The following IGSF9B variants were observed in gnomAD, a reference collection of about 807,000 sequenced individuals.
The protein encoded by IGSF9B is protein turtle homolog B.
In IGSF9B, 48 loss-of-function variants were observed where a neutral mutation model predicts 143.7. The ratio of observed to expected loss-of-function variants is 0.33; its 90% CI spans 0.26 to 0.42. IGSF9B has a LOEUF of 0.42. IGSF9B is among the 20% of genes least tolerant of loss of function. The pLI is 1.00. For missense variants in IGSF9B, 1,706 were observed against 1,980.0 expected, an observed-to-expected ratio of 0.86 and a Z score of 2.63; for synonymous variants, 903 against 833.1, an observed-to-expected ratio of 1.08 and a Z score of -1.44.
Position 133,928,091 on chromosome 11 carries a change from G to A in IGSF9B, c.1632-1000C>T, listed in dbSNP as rs1383349452. Among the ~76,000 whole-genome samples, 18 of 151,240 alleles carry A rather than the reference G, an allele frequency of 1.2e-4. No homozygotes were observed. Among genetic ancestry groups the A allele is most frequent in the Admixed American group, 1.1e-3 (17 of 15,250 alleles). Reference sequence around the variant, plus strand: ...AGCAGTGCAGATGAGCAGCAGCGTGGAGCAGCAGCGTGAAGCAGCACCGCA... The same window carrying A: ...AGCAGTGCAGATGAGCAGCAGCGTGAAGCAGCAGCGTGAAGCAGCACCGCA... On this transcript the variant is annotated intron_variant, in intron 12 of 19. Transcript: ENST00000533871. The surrounding 1 kb of genome is among the most constrained non-coding windows in gnomAD (Gnocchi z 4.7).
At position 133,921,207 on chromosome 11, in the gene IGSF9B, C is replaced by CGGCCTCTGCCTT; in HGVS notation, c.2506_2517dup (p.Lys836_Ala839dup). 1 of 1,609,090 alleles carries CGGCCTCTGCCTT rather than the reference C, an allele frequency of 6.2e-7. No individual in the cohort carries two copies. The highest frequency in any genetic ancestry group is 8.5e-7 in the Non-Finnish European group (1 of 1,177,574). On this transcript the variant is annotated inframe_insertion, in exon 18 of 20. Coordinates refer to ENST00000533871, the MANE Select transcript of IGSF9B (RefSeq NM_001277285.4). ...TCGATGGGCGTGGTGGCCTCTGCCT[C>CGGCCTCTGCCTT]GGCCTCTGCCTTGGCCACGCTGTAC...
At position 133,904,409 on chromosome 11, in the gene IGSF9B, A is replaced by C. The variant is rs1185014636; in HGVS notation, c.*4660T>G. On this transcript the variant is annotated 3_prime_UTR_variant, in exon 20 of 20. Coordinates refer to ENST00000533871, the MANE Select transcript of IGSF9B (RefSeq NM_001277285.4). ...GAAATACAATATAAAGAAGATGTCC[A>C]TGTTTGGTTTGGGCACTTAGTGTTA... Among the ~76,000 whole-genome samples, 1 of 152,212 alleles carries C rather than the reference A, an allele frequency of 6.6e-6. No individual in the cohort carries two copies. Among genetic ancestry groups the C allele is most frequent in the Non-Finnish European group, 1.5e-5 (1 of 68,040 alleles).
At chr11:133,910,685 G>A (rs1187401901) in intron 19 of IGSF9B, among the ~76,000 whole-genome samples, 1 of 152,132 alleles carries the variant, frequency 6.6e-6, no homozygotes, top group Non-Finnish European at 1.5e-5. Flanking sequence ...CTCAGGGAAG[G>A]GACCTGGGCT....
rs1341899562 is a variant in IGSF9B at position 133,952,154 on chromosome 11, C to T, written c.64+4537G>A. On this transcript the variant is annotated intron_variant, in intron 1 of 19. Coordinates refer to ENST00000533871, the MANE Select transcript of IGSF9B (RefSeq NM_001277285.4). ...AGGCCCCATCTCCTGCTTATTCACG[C>T]AAGAGAGAACAGAAAAGCAGGAAGA... 9.5e-6 allele frequency: 4 copies of T among 419,306 alleles called. No homozygotes were observed. The East Asian group carries it at 2.2e-4, about 23-fold the overall frequency. 26.0% of individuals were successfully genotyped at this position (419,306 alleles called of 1,614,324 possible).
chr11:133,931,808 G>C lies in IGSF9B; in HGVS notation c.1111-13C>G, dbSNP rs1939735616. ...TCCAACCGAGGTTCTGCCAGACACAGACGATAGGGCAGGGAACGCTGGTCA... is the reference window on the plus strand; with the variant it reads ...TCCAACCGAGGTTCTGCCAGACACACACGATAGGGCAGGGAACGCTGGTCA... On this transcript the variant is annotated splice_polypyrimidine_tract_variant and intron_variant, in intron 8 of 19. Transcript: ENST00000533871. The surrounding 1 kb of genome is among the most constrained non-coding windows in gnomAD (Gnocchi z 7.7). 6.2e-7 allele frequency: 1 copy of C among 1,610,770 alleles called. No homozygotes were observed. Among genetic ancestry groups the C allele is most frequent in the Non-Finnish European group, 8.5e-7 (1 of 1,179,116 alleles).
Position 133,924,848 on chromosome 11 carries a change from G to A in IGSF9B, c.2091C>T (p.Pro697=), listed in dbSNP as rs775782749. 15 of 1,613,644 alleles carry A rather than the reference G, an allele frequency of 9.3e-6. No homozygotes were observed. The highest frequency in any genetic ancestry group is 1.3e-5 in the Non-Finnish European group (15 of 1,179,848). Residue 697 remains proline (P), a synonymous_variant, in exon 15 of 20, where the codon CCC becomes CCT. Transcript: ENST00000533871. ...LAVMQDLISE[P]SNIAGVSSTD... is the part of the protein sequence containing the mutation. ...TGCTGGAGACGCCGGCGATGTTGCTGGGCTCGCTGATCAGATCCTGCATGA... is the reference window on the plus strand; with the variant it reads ...TGCTGGAGACGCCGGCGATGTTGCTAGGCTCGCTGATCAGATCCTGCATGA...
intron 12 of IGSF9B, among the ~76,000 whole-genome samples, chr11:133,929,287 A>G (rs1565433317): frequency 6.6e-6 from 1 of 152,226 alleles, no homozygotes; most frequent in African/African-American, 2.4e-5. Context: ...TACAAAAAAA[A>G]TTAGTCTAAA....
Position 133,913,369 on chromosome 11 carries a change from C to T in IGSF9B, c.3984-1362G>A, listed in dbSNP as rs1314405923. Among the ~76,000 whole-genome samples, 2 of 152,130 alleles carry T rather than the reference C, an allele frequency of 1.3e-5. No homozygotes were observed. Among genetic ancestry groups the T allele is most frequent in the Non-Finnish European group, 2.9e-5 (2 of 68,028 alleles). On this transcript the variant is annotated intron_variant, in intron 18 of 19. Transcript: ENST00000533871. The surrounding 1 kb of genome is among the most constrained non-coding windows in gnomAD (Gnocchi z 4.6). ...AGGGATAGGAAGCCTGCAGTCTCTT[C>T]TCCCCAGCATCAAATATGTTGGCAG...
chr11:133,919,331 A>G (rs1157081093), intron 18 of IGSF9B, among the ~76,000 whole-genome samples: 2 of 152,096 alleles, frequency 1.3e-5, no homozygotes, highest in Admixed American at 6.5e-5. Context: ...CGGGGAAGAA[A>G]AGGAGGCTAG....
chr11:133,943,505 C>A (rs1173685548), intron 3 of IGSF9B, among the ~76,000 whole-genome samples: 2 of 152,236 alleles, frequency 1.3e-5, no homozygotes, highest in East Asian at 3.9e-4. Flanking sequence ...GGCCCCCAGC[C>A]TAGGCCAACT....
At chr11:133,918,618 C>A (rs993772410) in intron 18 of IGSF9B, among the ~76,000 whole-genome samples, 4 of 146,868 alleles carry the variant, frequency 2.7e-5, no homozygotes, top group Admixed American at 2.7e-4. Flanking sequence ...GGTGGGGCTG[C>A]GGGTGGGAGG....
intron 15 of IGSF9B, among the ~76,000 whole-genome samples, chr11:133,924,353 TAG>T (rs1042350147): frequency 2.6e-5 from 4 of 152,128 alleles, no homozygotes; most frequent in African/African-American, 9.7e-5. Context: ...CTTAAAAATC[TAG>T]AGAGAGGAAG....
intron 11 of IGSF9B, 75 bp from the exon 12 acceptor site, chr11:133,929,857 G>A: frequency 1.0e-6 from 1 of 966,474 alleles, no homozygotes; most frequent in Non-Finnish European, 1.6e-6. Flanking sequence ...TCTGGCTGTG[G>A]GGAACCTGAG....
Position 133,948,143 on chromosome 11 carries a change from T to C in IGSF9B, c.65-1885A>G, listed in dbSNP as rs1379657401. 6.6e-6 allele frequency among the ~76,000 whole-genome samples: 1 copy of C among 151,734 alleles called. No individual in the cohort carries two copies. The highest frequency in any genetic ancestry group is 1.5e-5 in the Non-Finnish European group (1 of 67,938). On this transcript the variant is annotated intron_variant, in intron 1 of 19. Transcript: ENST00000533871. This position sits in a 1 kb window ranked among gnomAD's most constrained non-coding sequence, Gnocchi z 4.7. ...AGGGGAGGGGTTCTGCCTGCTTCTC[T>C]GTATGCAAGGGCTCCGTCTCTGCAT... is the stretch of plus-strand genomic sequence containing the variant.
chr11:133,911,875 C>T lies in IGSF9B; in HGVS notation c.4105+11G>A. 6.6e-7 allele frequency: 1 copy of T among 1,521,754 alleles called. No homozygotes were observed. The highest frequency in any genetic ancestry group is 8.8e-7 in the Non-Finnish European group (1 of 1,141,548). 94.3% of individuals were successfully genotyped at this position (1,521,754 alleles called of 1,614,324 possible). On this transcript the variant is annotated intron_variant, in intron 19 of 19. Transcript: ENST00000533871. ...TGGGAGGAGCGGGGCGGGCCACTGC[C>T]CATCATTTACCGGATCGTTTCTTTG...
In IGSF9B at chr11:133,956,711, G is replaced by C; in HGVS notation, c.44C>G (p.Thr15Ser). The C allele has an allele frequency of 6.5e-7, 1 of 1,547,600 alleles. No individual in the cohort carries two copies. Among genetic ancestry groups the C allele is most frequent in the Non-Finnish European group, 8.7e-7 (1 of 1,148,720 alleles). Reference sequence around the variant, plus strand: ...CTCACCTTCAGCCGCAAGCCCTCGGGTGCCGATCACACTTGCTATGAAAGT... The same window carrying C: ...CTCACCTTCAGCCGCAAGCCCTCGGCTGCCGATCACACTTGCTATGAAAGT... ...VATFIASVIG[T>S]RGLAAEGAHG... Residue 15 changes from threonine (T) to serine (S), a missense_variant, in exon 1 of 20, where the codon ACC becomes AGC. Physicochemically the swap from Thr to Ser is moderately conservative, Grantham distance 58 (BLOSUM62 1). Transcript: ENST00000533871.
At chr11:133,936,592 G>A (rs576858625) in intron 5 of IGSF9B, among the ~76,000 whole-genome samples, 28 of 152,192 alleles carry the variant, frequency 1.8e-4, no homozygotes, top group Admixed American at 1.0e-3. Flanking sequence ...AGTAAGCAGA[G>A]GGTGAAAGTC....
Position 133,909,301 on chromosome 11 carries a change from CAA to C in IGSF9B, c.4106-26_4106-25del. On this transcript the variant is annotated intron_variant, in intron 19 of 19. Transcript: ENST00000533871. This position sits in a 1 kb window ranked among gnomAD's most constrained non-coding sequence, Gnocchi z 4.2. ...GTCTAGGAAGAAAGGAAGAGGGACG[CAA>C]AAGAGAAGCAAGCGGATGAAAAGGA... 6.6e-7 allele frequency: 1 copy of C among 1,518,536 alleles called. No individual in the cohort carries two copies. The highest frequency in any genetic ancestry group is 2.5e-5 in the East Asian group (1 of 40,782). The allele number at this position is 1,518,536 out of a possible 1,614,324, so 94.1% of individuals were successfully genotyped here. A position where few individuals can be genotyped will look rare whatever the true frequency, so the allele number is the denominator to read the frequency against.
Position 133,906,191 on chromosome 11 carries a change from C to T in IGSF9B, c.*2878G>A, listed in dbSNP as rs1047968828. ...GTTCAAAGGCAGACTATGAAGGACA[C>T]TGGTCCCTAGAGGTGGTTACACCCC... On this transcript the variant is annotated 3_prime_UTR_variant, in exon 20 of 20. Coordinates refer to ENST00000533871, the MANE Select transcript of IGSF9B (RefSeq NM_001277285.4). Among the ~76,000 whole-genome samples the T allele has an allele frequency of 6.6e-6, 1 of 152,250 alleles. No homozygotes were observed. The highest frequency in any genetic ancestry group is 1.5e-5 in the Non-Finnish European group (1 of 68,042).
Sources: gnomAD v4.1 joint callset for allele counts (sites outside exome capture counted in the v4.1 genomes callset) on GRCh38, gnomAD v4.1.1 for gene constraint, Gnocchi (gnomAD v3.1) non-coding constraint, MANE v1.5 for transcripts, NCBI Gene and HGNC (gene_info 2026-07-23, HGNC 2026-07-21) for gene names.